The following XKR9 variants were observed in gnomAD, a reference collection of about 807,000 sequenced individuals.
XKR9 encodes XK-related protein 9.
Under a neutral mutation model 32.0 loss-of-function variants are expected in XKR9, and 32 were observed. The observed-to-expected ratio is 1.00, with a 90% confidence interval of 0.76 to 1.34. The LOEUF is 1.34. XKR9 is among the 40% of genes most tolerant of loss of function. XKR9 has a pLI of 0.00. For missense variants in XKR9, 546 were observed against 429.7 expected, an observed-to-expected ratio of 1.27 and a Z score of -2.39; for synonymous variants, 168 against 143.4, an observed-to-expected ratio of 1.17 and a Z score of -1.22.
intron 2 of XKR9, among the ~76,000 whole-genome samples, chr8:70,753,437 C>G (rs1455284592): frequency 6.6e-6 from 1 of 152,048 alleles, no homozygotes; most frequent in Non-Finnish European, 1.5e-5. Context: ...CATCCGGATA[C>G]CAAAGCCTGG....
chr8:70,754,913 G>C (rs1414553669), intron 2 of XKR9, among the ~76,000 whole-genome samples: 1 of 151,996 alleles, frequency 6.6e-6, no homozygotes, highest in East Asian at 1.9e-4. Context: ...ATTGACAATT[G>C]GGATCTAATT....
chr8:70,924,203 CT>C, the XKR9 span, among the ~76,000 whole-genome samples: 1 of 152,216 alleles, frequency 6.6e-6, no homozygotes, highest in East Asian at 1.9e-4. Context: ...GTGAACTGGC[CT>C]TTTTTCTTTG....
chr8:70,732,866 C>G (rs1806718296), intron 4 of XKR9, among the ~76,000 whole-genome samples: 1 of 152,180 alleles, frequency 6.6e-6, no homozygotes, highest in African/African-American at 2.4e-5. Flanking sequence ...GCCTGTAATC[C>G]TAGCCCTTTG....
chr8:70,728,490 G>T (rs1222516606), intron 4 of XKR9, among the ~76,000 whole-genome samples: 4 of 152,136 alleles, frequency 2.6e-5, no homozygotes, highest in African/African-American at 9.7e-5. Flanking sequence ...GCATTTAAGG[G>T]AATAGTATAC....
chr8:71,046,994 G>A, the XKR9 span, among the ~76,000 whole-genome samples: 1 of 152,182 alleles, frequency 6.6e-6, no homozygotes, highest in African/African-American at 2.4e-5. Context: ...AAGCAAGACT[G>A]CATGGGATTT....
the XKR9 span, among the ~76,000 whole-genome samples, chr8:70,810,204 A>T: frequency 6.6e-6 from 1 of 152,202 alleles, no homozygotes; most frequent in East Asian, 1.9e-4. Flanking sequence ...TTCATAAGTG[A>T]AGGAGAAATA....
intron 2 of XKR9, among the ~76,000 whole-genome samples, chr8:70,755,478 T>C (rs1807208392): frequency 6.6e-6 from 1 of 152,132 alleles, no homozygotes; most frequent in Admixed American, 6.6e-5. Context: ...ATTGTGGCAT[T>C]ATTCACAATA....
the XKR9 span, among the ~76,000 whole-genome samples, chr8:70,913,401 G>A: frequency 3.9e-5 from 6 of 151,924 alleles, no homozygotes; most frequent in Non-Finnish European, 8.8e-5. Context: ...AATACTGAAA[G>A]GTACCAGTGA....
At chr8:70,749,570 C>T (rs543810111) in intron 2 of XKR9, among the ~76,000 whole-genome samples, 5 of 152,246 alleles carry the variant, frequency 3.3e-5, no homozygotes, top group Non-Finnish European at 7.3e-5. Context: ...CATGCCTCAC[C>T]TGGCATGCCT....
chr8:70,853,088 A>G, the XKR9 span, among the ~76,000 whole-genome samples: 2 of 152,168 alleles, frequency 1.3e-5, no homozygotes, highest in Non-Finnish European at 2.9e-5. Flanking sequence ...ATTCTATAAT[A>G]ATTTGCAACA....
chr8:71,004,640 C>G, the XKR9 span, among the ~76,000 whole-genome samples: 1 of 152,154 alleles, frequency 6.6e-6, no homozygotes, highest in African/African-American at 2.4e-5. Context: ...TATCTCTAAA[C>G]GTGCCATGGA....
chr8:70,790,177 G>A (rs2130268382), exon 4 of XKR9: 1 of 150,558 alleles, frequency 6.6e-6, no homozygotes, highest in Admixed American at 6.7e-5. Flanking sequence ...ATCTAAAATA[G>A]TGCTCTTATA....
At chr8:70,904,768 C>T in the XKR9 span, among the ~76,000 whole-genome samples, 6 of 152,114 alleles carry the variant, frequency 3.9e-5, no homozygotes, top group Admixed American at 2.6e-4. Flanking sequence ...CTGGTTGTTC[C>T]TTTCCATGTT....
the XKR9 span, among the ~76,000 whole-genome samples, chr8:70,800,770 G>A: frequency 6.6e-6 from 1 of 152,142 alleles, no homozygotes; most frequent in East Asian, 1.9e-4. Flanking sequence ...ACAGGTGTGA[G>A]CCACTGTGCC....
the XKR9 span, among the ~76,000 whole-genome samples, chr8:70,811,299 A>C: frequency 2.4e-4 from 36 of 152,326 alleles, no homozygotes; most frequent in African/African-American, 8.4e-4. Context: ...CAGTGTGTAG[A>C]GGGAAATTTA....
chr8:70,879,244 G>T, the XKR9 span, among the ~76,000 whole-genome samples: 4 of 152,026 alleles, frequency 2.6e-5, no homozygotes, highest in Non-Finnish European at 5.9e-5. Flanking sequence ...ATAATTAAAA[G>T]AACTAGAGAA....
the XKR9 span, among the ~76,000 whole-genome samples, chr8:70,805,638 C>G: frequency 1.3e-5 from 2 of 152,218 alleles, no homozygotes; most frequent in Admixed American, 1.3e-4. Flanking sequence ...CTGGCTGTGG[C>G]AGACTGGCCA....
At chr8:70,843,920 C>T in the XKR9 span, among the ~76,000 whole-genome samples, 191 of 152,346 alleles carry the variant, frequency 1.3e-3, 1 homozygote, top group African/African-American at 4.5e-3. Flanking sequence ...CCCTGCATCT[C>T]CACATCCCTG....
intron 4 of XKR9, among the ~76,000 whole-genome samples, chr8:70,710,471 C>T (rs1162798795): frequency 2.6e-5 from 4 of 152,056 alleles, no homozygotes; most frequent in African/African-American, 4.8e-5. Context: ...GAGGCTAAGG[C>T]GGGTAGATCA....
Sources: gnomAD v4.1 joint callset for allele counts (sites outside exome capture counted in the v4.1 genomes callset) on GRCh38, gnomAD v4.1.1 for gene constraint, MANE v1.5 for transcripts, NCBI Gene and HGNC (gene_info 2026-07-23, HGNC 2026-07-21) for gene names.